NUAK2: variants seen among roughly 807,000 people sequenced by gnomAD.
The protein encoded by NUAK2 is NUAK family kinase 2.
In NUAK2, 20 loss-of-function variants were observed where a neutral mutation model predicts 29.8. The ratio of observed to expected loss-of-function variants is 0.67; its 90% CI spans 0.47 to 0.98. The LOEUF (loss-of-function observed/expected upper bound fraction) is 0.98. Among genes scored for constraint, NUAK2 ranks in the 50% least tolerant of loss-of-function variants. The pLI, the probability that NUAK2 is intolerant of heterozygous loss-of-function variation, is 0.00. For synonymous variants in NUAK2, 331 were observed against 342.6 expected (o/e 0.97, Z 0.37); for missense variants, 719 against 834.5 (o/e 0.86, Z 1.71).
chr1:205,303,664 T>C lies in NUAK2; in HGVS notation c.1673A>G (p.Asp558Gly). 1 of 1,567,424 alleles carries C rather than the reference T, an allele frequency of 6.4e-7. No individual in the cohort carries two copies. The highest frequency in any genetic ancestry group is 8.6e-7 in the Non-Finnish European group (1 of 1,157,972). Reference sequence around the variant, plus strand: ...GGGCTCTGGGAGCCGTTCAGGCAAGTCCAGCTGGTCAAAGGACTCAGAGGA... The same window carrying C: ...GGGCTCTGGGAGCCGTTCAGGCAAGCCCAGCTGGTCAAAGGACTCAGAGGA... ...ILSSESFDQL[D>G]LPERLPEPPL... Residue 558 changes from aspartate (D) to glycine (G), a missense_variant, in exon 7 of 7, where the codon GAC (aspartate) becomes GGC (glycine). Transcript: ENST00000367157.
intron 4 of NUAK2, among the ~76,000 whole-genome samples, chr1:205,306,509 G>A (rs1662183194): frequency 6.6e-6 from 1 of 152,186 alleles, no homozygotes; most frequent in Non-Finnish European, 1.5e-5. Flanking sequence ...GTGTCAATAA[G>A]GAGCATCTAG....
chr1:205,310,248 G>A (rs1662238940), intron 2 of NUAK2, among the ~76,000 whole-genome samples: 1 of 152,134 alleles, frequency 6.6e-6, no homozygotes, highest in African/African-American at 2.4e-5. Context: ...GGGATGCCTG[G>A]CTGAGACTCC....
At chr1:205,305,734 T>C (rs1375772244) in intron 5 of NUAK2, among the ~76,000 whole-genome samples, 5 of 152,122 alleles carry the variant, frequency 3.3e-5, no homozygotes, top group African/African-American at 7.2e-5. Context: ...TTGTTTGAGA[T>C]GGAGTCTTGC....
Position 205,303,871 on chromosome 1 carries a change from G to A in NUAK2, c.1466C>T (p.Pro489Leu), listed in dbSNP as rs779985165. The change falls in exon 7 of 7, where the codon CCG becomes CTG. Residue 489 changes from proline to leucine, a missense_variant. By Grantham distance (98) the Pro-to-Leu change is moderately conservative. Coordinates refer to ENST00000367157, the MANE Select transcript of NUAK2 (RefSeq NM_030952.3). The part of the protein sequence containing the change: ...VSGDPKEQKP[P>L]QASGLLLHRK... ...ATGGAGGAGCAGCCCTGAAGCTTGC[G>A]GAGGCTTCTGCTCCTTGGGATCCCC... The A allele has an allele frequency of 3.7e-6, 6 of 1,613,788 alleles. No homozygotes were observed. Among genetic ancestry groups the A allele is most frequent in the East Asian group, 2.2e-5 (1 of 44,872 alleles).
At position 205,306,296 on chromosome 1, in the gene NUAK2, G is replaced by T; in HGVS notation, c.582C>A (p.Phe194Leu). 1 of 1,611,950 alleles carries T rather than the reference G, an allele frequency of 6.2e-7. No homozygotes were observed. Among genetic ancestry groups the T allele is most frequent in the Non-Finnish European group, 8.5e-7 (1 of 1,179,184 alleles). The change falls in exon 5 of 7, where the codon TTC becomes TTA. Residue 194 changes from phenylalanine (F) to leucine (L), a missense_variant. By Grantham distance (22) the Phe-to-Leu change is conservative. Around this residue, in one of 3 missense-constraint regions of NUAK2, gnomAD observed 283 missense variants for 345.6 expected, o/e 0.82. Coordinates refer to ENST00000367157, the MANE Select transcript of NUAK2 (RefSeq NM_030952.3). ...CTTGATGGTAGAGGTTGGAGAGACC[G>T]AAGTCAGCAATCTGCAGGATTGAGT... ...DANGNIKIAD[F>L]GLSNLYHQGK...
rs776770542 is a variant in NUAK2, at chr1:205,303,744, G to A, written c.1593C>T (p.Arg531=). 3.9e-6 allele frequency: 6 copies of A among 1,541,862 alleles called. No individual in the cohort carries two copies. The highest frequency in any genetic ancestry group is 8.7e-7 in the Non-Finnish European group (1 of 1,145,626). The stretch of plus-strand genomic sequence containing the variant: ...AGGGTCGGCTGGCCCGGGCCAGGGG[G>A]CGAGGTGGGGCGAGTTCATCCAGGG... ...FGSLDELAPP[R]PLARASRPSG... The change falls in exon 7 of 7, where the codon CGC becomes CGT. Residue 531 remains arginine (R), a synonymous_variant. Coordinates refer to ENST00000367157, the MANE Select transcript of NUAK2 (RefSeq NM_030952.3).
intron 1 of NUAK2, among the ~76,000 whole-genome samples, chr1:205,319,989 C>T (rs1662387574): frequency 6.6e-6 from 1 of 151,912 alleles, no homozygotes; most frequent in African/African-American, 2.4e-5. Flanking sequence ...TTTGGCAAAA[C>T]ATAATAATGC....
In NUAK2 at chr1:205,303,372, G is replaced by T; in HGVS notation, c.*78C>A. 1 of 1,300,358 alleles carries T rather than the reference G, an allele frequency of 7.7e-7. No homozygotes were observed. Among genetic ancestry groups the T allele is most frequent in the South Asian group, 1.5e-5 (1 of 67,952 alleles). The allele number at this position is 1,300,358 out of a possible 1,614,324, so 80.6% of individuals were successfully genotyped here. A position where few individuals can be genotyped will look rare whatever the true frequency, so the allele number is the denominator to read the frequency against. On this transcript the variant is annotated 3_prime_UTR_variant, in exon 7 of 7. Coordinates refer to ENST00000367157, the MANE Select transcript of NUAK2 (RefSeq NM_030952.3). Reference sequence around the variant, plus strand: ...GCTGGGATGCAGGTCCTGGGAGGTGGGGGAGAAGGCATCTCCCCTCGGGGT... The same window carrying T: ...GCTGGGATGCAGGTCCTGGGAGGTGTGGGAGAAGGCATCTCCCCTCGGGGT...
intron 1 of NUAK2, among the ~76,000 whole-genome samples, chr1:205,320,896 C>T (rs1169655427): frequency 7.4e-6 from 1 of 135,516 alleles, no homozygotes; most frequent in Non-Finnish European, 1.6e-5. Flanking sequence ...ATGTCAAAAC[C>T]CACCCCGTGC....
In NUAK2 at chr1:205,303,821, C is replaced by T. The variant is rs139426041; in HGVS notation, c.1516G>A (p.Gly506Ser). ...LHRKGILKLN[G>S]KFSQTALELA... ...TCCAAGGCTGTCTGGGAGAACTTGC[C>T]ATTGAGTTTGAGGATGCCTTTGCGA... is the stretch of plus-strand genomic sequence containing the variant. The change falls in exon 7 of 7, where the codon GGC becomes AGC. Residue 506 changes from glycine to serine, a missense_variant. Gly to Ser is a moderately conservative substitution (Grantham distance 56). Coordinates refer to ENST00000367157, the MANE Select transcript of NUAK2 (RefSeq NM_030952.3). 134 of 1,598,390 alleles carry T rather than the reference C, an allele frequency of 8.4e-5. No individual in the cohort carries two copies. The African/African-American group carries it at 1.5e-3, about 18-fold the overall frequency.
At chr1:205,309,519 G>A (rs2102648463) in intron 2 of NUAK2, among the ~76,000 whole-genome samples, 1 of 152,186 alleles carries the variant, frequency 6.6e-6, no homozygotes, top group Middle Eastern at 3.4e-3. Context: ...GTAGAGACGG[G>A]GTTTCACCAT....
chr1:205,321,372 G>A lies in NUAK2; in HGVS notation c.231+26C>T, dbSNP rs767309133. 6 of 1,587,280 alleles carry A rather than the reference G, an allele frequency of 3.8e-6. No homozygotes were observed. In the South Asian group the frequency reaches 6.8e-5, roughly 18 times the overall value. ...CGGCGGCCAAGCCGGAGCCCGCCCC[G>A]CGCCGCGAGAGGGAGCCGCACTCAC... On this transcript the variant is annotated intron_variant, in intron 1 of 6. Coordinates refer to ENST00000367157, the MANE Select transcript of NUAK2 (RefSeq NM_030952.3).
At position 205,308,631 on chromosome 1, in the gene NUAK2, C is replaced by T. The variant is rs1370067847; in HGVS notation, c.454G>A (p.Ala152Thr). The change falls in exon 3 of 7, where the codon GCT becomes ACT. Residue 152 changes from alanine (A) to threonine (T), a missense_variant. By Grantham distance (58) the Ala-to-Thr change is moderately conservative. This residue lies in a region of NUAK2 where 283 missense variants were observed against 345.6 expected (regional missense o/e 0.82). Transcript: ENST00000367157. The surrounding 1 kb of genome is among the most constrained non-coding windows in gnomAD (Gnocchi z 4.1). ...SERQQLSERE[A>T]RHFFRQIVSA... ...ACGATCTGCCGGAAGAAATGCCTAG[C>T]TTCGCGCTCACTGAGCTGCTGCCGC... is the stretch of plus-strand genomic sequence containing the variant. The T allele has an allele frequency of 1.2e-6, 2 of 1,614,106 alleles. No homozygotes were observed. Among genetic ancestry groups the T allele is most frequent in the Non-Finnish European group, 1.7e-6 (2 of 1,180,024 alleles).
At chr1:205,321,316 G>C in intron 1 of NUAK2, 82 bp downstream of exon 1, 1 of 1,262,732 alleles carries the variant, frequency 7.9e-7, no homozygotes. Flanking sequence ...AGCAACGAGC[G>C]AGCCGCCGCC....
At chr1:205,317,273 T>A (rs1488321800) in intron 1 of NUAK2, among the ~76,000 whole-genome samples, 1 of 152,150 alleles carries the variant, frequency 6.6e-6, no homozygotes, top group East Asian at 1.9e-4. Context: ...TGGTTCCAGG[T>A]GGAGGGAGAG....
intron 1 of NUAK2, among the ~76,000 whole-genome samples, chr1:205,315,603 T>C (rs1432855145): frequency 1.3e-5 from 2 of 152,226 alleles, no homozygotes; most frequent in African/African-American, 4.8e-5. Context: ...CTGGGCGCAG[T>C]GGCTCATGCC....
intron 1 of NUAK2, among the ~76,000 whole-genome samples, chr1:205,314,373 G>C (rs1051323505): frequency 6.6e-6 from 1 of 152,360 alleles, no homozygotes; most frequent in East Asian, 1.9e-4. Flanking sequence ...CAGGGGATGC[G>C]ATGGGGCTAT....
At chr1:205,318,900 T>C (rs1161019915) in intron 1 of NUAK2, among the ~76,000 whole-genome samples, 1 of 152,172 alleles carries the variant, frequency 6.6e-6, no homozygotes, top group Non-Finnish European at 1.5e-5. Context: ...TCTAGGCAGG[T>C]TGGGAGCGGG....
intron 5 of NUAK2, 185 bp from the exon 6 acceptor site, chr1:205,305,516 A>G (rs945324111): frequency 3.8e-5 from 37 of 985,454 alleles, no homozygotes; most frequent in Non-Finnish European, 4.5e-5. Context: ...GACAGCCACA[A>G]GCACAAGAGC....
Sources: gnomAD v4.1 joint callset for allele counts (sites outside exome capture counted in the v4.1 genomes callset) on GRCh38, gnomAD v4.1.1 for gene constraint, gnomAD v4.1.1 regional missense constraint, Gnocchi (gnomAD v3.1) non-coding constraint, MANE v1.5 for transcripts, NCBI Gene and HGNC (gene_info 2026-07-23, HGNC 2026-07-21) for gene names.